The following C16orf96 variants were observed in gnomAD, a reference collection of about 807,000 sequenced individuals.
C16orf96 encodes uncharacterized protein C16orf96.
C16orf96 carries 108 observed loss-of-function variants against 103.6 expected under a neutral mutation model. The observed-to-expected ratio is 1.04, with a 90% CI of 0.89 to 1.22. The LOEUF (loss-of-function observed/expected upper bound fraction) is 1.22, where lower values mean the gene tolerates loss of function less well. C16orf96 is among the 50% of genes most tolerant of loss of function. The pLI, the probability that C16orf96 is intolerant of heterozygous loss-of-function variation, is 0.00. For synonymous variants in C16orf96, 566 were observed against 593.5 expected (o/e 0.95, Z 0.67); for missense variants, 1,586 against 1,464.2 (o/e 1.08, Z -1.36).
chr16:4,575,192 C>A lies in C16orf96; in HGVS notation c.712C>A (p.Leu238Met). 2 of 1,546,798 alleles carry A rather than the reference C, an allele frequency of 1.3e-6. No individual in the cohort carries two copies. Among genetic ancestry groups the A allele is most frequent in the Non-Finnish European group, 8.7e-7 (1 of 1,146,848 alleles). The change falls in exon 5 of 16, where the codon CTG becomes ATG. Residue 238 changes from leucine (L) to methionine (M), a missense_variant. Transcript: ENST00000444310. ...MFTSEIGSSP[L>M]DLWQSVEQLP... The stretch of plus-strand genomic sequence containing the variant: ...TCTGCAGGAAATTGGTTCATCACCA[C>A]TGGACCTGTGGCAGTCTGTAGAGCA...
At chr16:4,581,950 C>G (rs2059593504) in intron 7 of C16orf96, among the ~76,000 whole-genome samples, 1 of 151,580 alleles carries the variant, frequency 6.6e-6, no homozygotes, top group Admixed American at 6.6e-5. Context: ...GAAAGACCAT[C>G]TCAAAAAAAG....
chr16:4,575,623 AC>A lies in C16orf96; in HGVS notation c.1145del (p.Pro382HisfsTer29). 6.6e-7 allele frequency: 1 copy of A among 1,523,504 alleles called. No individual in the cohort carries two copies. 94.4% of individuals were successfully genotyped at this position (1,523,504 alleles called of 1,614,324 possible). ...PVPAPGAQPP[P>X]LGDWPALPRR... is the part of the protein sequence containing the mutation. ...TGCCTGCCCCAGGTGCCCAGCCTCC[AC>A]CACTGGGAGACTGGCCTGCACTCCC... On this transcript the variant is annotated frameshift_variant, in exon 5 of 16. Transcript: ENST00000444310. LOFTEE classifies it high-confidence loss of function.
the C16orf96 span, among the ~76,000 whole-genome samples, chr16:4,550,999 G>A: frequency 5.3e-5 from 8 of 152,206 alleles, no homozygotes; most frequent in Admixed American, 1.3e-4. Flanking sequence ...AGGGTCGGGC[G>A]CGGTGGCTCA....
Position 4,576,497 on chromosome 16 carries a change from G to A in C16orf96, c.2017G>A (p.Ala673Thr). 1 of 1,551,488 alleles carries A rather than the reference G, an allele frequency of 6.4e-7. No individual in the cohort carries two copies. The highest frequency in any genetic ancestry group is 8.7e-7 in the Non-Finnish European group (1 of 1,147,014). Residue 673 changes from alanine to threonine, a missense_variant, in exon 5 of 16, where the codon GCC (alanine) becomes ACC (threonine). Coordinates refer to ENST00000444310, the MANE Select transcript of C16orf96 (RefSeq NM_001145011.2). ...CCAGGCCATGGTGGCTACCAAGCAG[G>A]CCATGAGCCCTGAAGACAAGAAGAG... is the stretch of plus-strand genomic sequence containing the variant. ...LSQAMVATKQ[A>T]MSPEDKKRAV...
Position 4,591,799 on chromosome 16 carries a change from G to C in C16orf96, c.2711+15G>C. The C allele has an allele frequency of 1.4e-6, 2 of 1,475,594 alleles. No individual in the cohort carries two copies. Among genetic ancestry groups the C allele is most frequent in the Non-Finnish European group, 1.8e-6 (2 of 1,102,112 alleles). 91.4% of individuals were successfully genotyped at this position (1,475,594 alleles called of 1,614,324 possible). ...GGCTTTAGGAGGTGAGTGCCCGCCC[G>C]AGCCCCTCCTGGTAGGGGTCCTGCT... On this transcript the variant is annotated intron_variant, in intron 10 of 15. Coordinates refer to ENST00000444310, the MANE Select transcript of C16orf96 (RefSeq NM_001145011.2).
chr16:4,586,616 T>C (rs994453804), intron 7 of C16orf96, among the ~76,000 whole-genome samples: 1 of 151,988 alleles, frequency 6.6e-6, no homozygotes, highest in Non-Finnish European at 1.5e-5. Context: ...GGACGTGAGG[T>C]TTTTCCCTAA....
At chr16:4,573,928 G>A (rs2059469936) in intron 2 of C16orf96, among the ~76,000 whole-genome samples, 1 of 151,404 alleles carries the variant, frequency 6.6e-6, no homozygotes, top group Non-Finnish European at 1.5e-5. Context: ...CTGCCTCCCG[G>A]GTTCAAGTGA....
At chr16:4,550,923 G>T in the C16orf96 span, among the ~76,000 whole-genome samples, 4 of 152,218 alleles carry the variant, frequency 2.6e-5, no homozygotes, top group Admixed American at 6.5e-5. Flanking sequence ...TGGAATCCAC[G>T]TTGTTGGCCT....
At chr16:4,584,266 C>T (rs1406420580) in intron 7 of C16orf96, among the ~76,000 whole-genome samples, 2 of 116,242 alleles carry the variant, frequency 1.7e-5, no homozygotes, top group East Asian at 6.2e-4. Context: ...TGGCTCAGTG[C>T]AGCCTTGAAC....
rs755063497 is a variant in C16orf96 at position 4,594,420 on chromosome 16, C to A, written c.2937C>A (p.Gly979=). The change falls in exon 13 of 16, where the codon GGC becomes GGA. Residue 979 remains glycine (G), a synonymous_variant. Coordinates refer to ENST00000444310, the MANE Select transcript of C16orf96 (RefSeq NM_001145011.2). ...QEDCQQDWGD[G]PQNATSLKCK... ...ATTGTCAGCAGGACTGGGGTGATGGCCCCCAAAACGCCACCAGCCTCAAGT... is the reference window on the plus strand; with the variant it reads ...ATTGTCAGCAGGACTGGGGTGATGGACCCCAAAACGCCACCAGCCTCAAGT... 4.5e-6 allele frequency: 7 copies of A among 1,551,292 alleles called. No homozygotes were observed. In the South Asian group the frequency reaches 5.9e-5, roughly 13 times the overall value.
intron 7 of C16orf96, among the ~76,000 whole-genome samples, chr16:4,582,506 C>T (rs1056884813): frequency 6.6e-6 from 1 of 152,024 alleles, no homozygotes; most frequent in African/African-American, 2.4e-5. Flanking sequence ...GAAAATAACT[C>T]ATTAAAGGGG....
In C16orf96 at chr16:4,576,560, C is replaced by T. The variant is rs1167645988; in HGVS notation, c.2080C>T (p.Pro694Ser). 3.9e-6 allele frequency: 6 copies of T among 1,551,476 alleles called. No individual in the cohort carries two copies. In the Admixed American group the frequency reaches 1.2e-4, roughly 30 times the overall value. Reference protein sequence around the residue: ...KYSMSHIAQIPVKHDSLKEEF... With the variant: ...KYSMSHIAQISVKHDSLKEEF... ...TTCCATGAGCCACATAGCCCAGATA[C>T]CTGTCAAACACGACTCTCTGAAGGA... The change falls in exon 5 of 16, where the codon CCT becomes TCT. Residue 694 changes from proline (P) to serine (S), a missense_variant. Transcript: ENST00000444310.
chr16:4,565,457 G>C (rs971253230), intron 1 of C16orf96, among the ~76,000 whole-genome samples: 6 of 152,150 alleles, frequency 3.9e-5, no homozygotes, highest in Non-Finnish European at 7.4e-5. Context: ...TCACACAGAG[G>C]GGGAGGTTGT....
At position 4,577,785 on chromosome 16, in the gene C16orf96, G is replaced by A. The variant is rs538407775; in HGVS notation, c.2155+1150G>A. On this transcript the variant is annotated intron_variant, in intron 5 of 15. Transcript: ENST00000444310. ...AGCCTGGCCAACATAGCGAAACTCC[G>A]TCTCGACTAAAAATACAAAAGTTAG... is the stretch of plus-strand genomic sequence containing the variant. 1.2e-3 allele frequency among the ~76,000 whole-genome samples: 175 copies of A among 152,168 alleles called. 2 individuals are homozygous for A. Among genetic ancestry groups the A allele is most frequent in the Admixed American group, 9.0e-3 (138 of 15,264 alleles).
chr16:4,581,127 A>G (rs1245189423), intron 7 of C16orf96, among the ~76,000 whole-genome samples: 1 of 106,294 alleles, frequency 9.4e-6, no homozygotes, highest in Non-Finnish European at 1.9e-5. Context: ...TCTGTCTAAA[A>G]ATATATATGT....
intron 8 of C16orf96, among the ~76,000 whole-genome samples, chr16:4,587,829 A>G (rs573492129): frequency 1.1e-4 from 17 of 152,040 alleles, no homozygotes; most frequent in African/African-American, 3.1e-4. Context: ...CCAGCCACTC[A>G]GGAGGCTGAG....
chr16:4,550,349 T>G, the C16orf96 span, among the ~76,000 whole-genome samples: 1 of 152,154 alleles, frequency 6.6e-6, no homozygotes, highest in Non-Finnish European at 1.5e-5. Flanking sequence ...CCTCCCACAG[T>G]GCTGAGATTA....
chr16:4,594,610 G>A lies in C16orf96; in HGVS notation c.3028-94G>A, dbSNP rs1897131134. On this transcript the variant is annotated intron_variant, in intron 13 of 15. Transcript: ENST00000444310. ...TGAGCAGTGGGCAACCCCAGCAGAG[G>A]CTGCACTCTGTCTCCTGGGCTTCTG... The A allele has an allele frequency of 3.9e-6, 6 of 1,537,384 alleles. No homozygotes were observed. In the South Asian group the frequency reaches 7.2e-5, roughly 18 times the overall value.
intron 1 of C16orf96, among the ~76,000 whole-genome samples, chr16:4,558,705 A>T (rs1029846320): frequency 2.0e-5 from 3 of 152,040 alleles, no homozygotes; most frequent in African/African-American, 7.3e-5. Flanking sequence ...ACCTGAGGTG[A>T]GGAGTTCGAG....
Sources: gnomAD v4.1 joint callset for allele counts (sites outside exome capture counted in the v4.1 genomes callset) on GRCh38, gnomAD v4.1.1 for gene constraint, MANE v1.5 for transcripts, NCBI Gene and HGNC (gene_info 2026-07-23, HGNC 2026-07-21) for gene names.